The following SEC63 variants were observed in gnomAD, a reference collection of about 807,000 sequenced individuals.
SEC63 encodes SEC63 protein translocation regulator, also known as translocation protein SEC63 homolog.
Under a neutral mutation model 116.2 loss-of-function variants are expected in SEC63, and 56 were observed. The observed-to-expected ratio is 0.48, with a 90% CI of 0.39 to 0.60. The LOEUF is 0.60. Ranked by LOEUF, SEC63 falls within the 20% of genes least tolerant of loss-of-function variation. The probability of loss-of-function intolerance (pLI) is 0.00; values close to 1 mark genes in which losing one functional copy is unlikely to be tolerated. For missense variants in SEC63, 668 were observed against 900.0 expected, an observed-to-expected ratio of 0.74 and a Z score of 3.30; for synonymous variants, 273 against 294.6, an observed-to-expected ratio of 0.93 and a Z score of 0.75.
At chr6:107,954,834 C>G (rs983320344) in intron 1 of SEC63, 7 of 121,952 alleles carry the variant, frequency 5.7e-5, no homozygotes, top group Non-Finnish European at 1.1e-4. Flanking sequence ...AGAAACAACT[C>G]AAGTTATTAG....
At chr6:107,886,826 T>TA (rs1786539722) in intron 16 of SEC63, among the ~76,000 whole-genome samples, 2 of 150,722 alleles carry the variant, frequency 1.3e-5, no homozygotes, top group Non-Finnish European at 2.9e-5. Context: ...ACTCTGATGA[T>TA]AGTTTTTTGT....
chr6:107,887,214 G>GA (rs942454024), intron 16 of SEC63, among the ~76,000 whole-genome samples: 1 of 150,410 alleles, frequency 6.6e-6, no homozygotes, highest in African/African-American at 2.5e-5. Flanking sequence ...TCTAGAACTG[G>GA]AAATACCATT....
chr6:107,910,595 T>TAC (rs750567894), intron 7 of SEC63, among the ~76,000 whole-genome samples: 1 of 152,044 alleles, frequency 6.6e-6, no homozygotes, highest in African/African-American at 2.4e-5. Context: ...ATGTATGTCA[T>TAC]ACACACACGT....
At chr6:107,944,452 C>T (rs1770439647) in intron 1 of SEC63, among the ~76,000 whole-genome samples, 1 of 152,140 alleles carries the variant, frequency 6.6e-6, no homozygotes, top group South Asian at 2.1e-4. Context: ...AATCCCAGCA[C>T]TTTGGGAGGC....
intron 4 of SEC63, among the ~76,000 whole-genome samples, chr6:107,918,115 C>T (rs537358411): frequency 1.3e-5 from 2 of 152,204 alleles, no homozygotes; most frequent in South Asian, 4.1e-4. Flanking sequence ...TTCCAAAAGT[C>T]CTAGAGCTCT....
chr6:107,891,212 T>C lies in SEC63; in HGVS notation c.1674+2270A>G, dbSNP rs1007078699. Among the ~76,000 whole-genome samples the C allele has an allele frequency of 3.3e-5, 5 of 152,170 alleles. No individual in the cohort carries two copies. The East Asian group carries it at 5.8e-4, about 18-fold the overall frequency. ...CACTTTCAGGTATACCAATCAAACA[T>C]AGATTTGGTCTTTTCACATAGTCCC... is the stretch of plus-strand genomic sequence containing the variant. On this transcript the variant is annotated intron_variant, in intron 16 of 20. Coordinates refer to ENST00000369002, the MANE Select transcript of SEC63 (RefSeq NM_007214.5).
chr6:107,918,955 G>C (rs1434339058), intron 4 of SEC63, among the ~76,000 whole-genome samples: 1 of 143,242 alleles, frequency 7.0e-6, no homozygotes, highest in African/African-American at 2.6e-5. Context: ...CTGTCGCCCA[G>C]GCTGGAGTGC....
intron 8 of SEC63, among the ~76,000 whole-genome samples, chr6:107,907,975 G>A (rs1787181756): frequency 1.3e-5 from 2 of 152,148 alleles, no homozygotes; most frequent in African/African-American, 4.8e-5. Flanking sequence ...TCATAAGGGA[G>A]TAAGTTTCTG....
rs1438677499 is a variant in SEC63 at position 107,912,719 on chromosome 6, A to T, written c.570T>A (p.Ile190=). The T allele has an allele frequency of 1.2e-6, 2 of 1,602,418 alleles. No homozygotes were observed. Among genetic ancestry groups the T allele is most frequent in the South Asian group, 1.1e-5 (1 of 90,690 alleles). The change falls in exon 6 of 21, where the codon ATT becomes ATA. Residue 190 remains isoleucine, a synonymous_variant. Transcript: ENST00000369002. ...TATCTTATTTAAATGCACTCACCAGAATTGAGTTTTTCTGGTCAACTATCC... is the reference window on the plus strand; with the variant it reads ...TATCTTATTTAAATGCACTCACCAGTATTGAGTTTTTCTGGTCAACTATCC... ...PAWIVDQKNS[I]LVLLVYGLAF... is the part of the protein sequence containing the mutation.
intron 4 of SEC63, among the ~76,000 whole-genome samples, chr6:107,919,678 C>T (rs1450820796): frequency 1.1e-4 from 16 of 151,850 alleles, no homozygotes; most frequent in African/African-American, 2.9e-4. Flanking sequence ...AAAAATTAGC[C>T]GGGCATGTTG....
At chr6:107,896,707 G>A (rs745732423) in intron 14 of SEC63, among the ~76,000 whole-genome samples, 15 of 152,048 alleles carry the variant, frequency 9.9e-5, no homozygotes, top group Admixed American at 4.6e-4. Flanking sequence ...GGCTGAGTGC[G>A]GTAGCTCACG....
At chr6:107,950,466 A>C (rs372181671) in intron 1 of SEC63, among the ~76,000 whole-genome samples, 7 of 152,218 alleles carry the variant, frequency 4.6e-5, no homozygotes, top group Admixed American at 3.9e-4. Context: ...GCAGCAGCAC[A>C]TACATTGTTC....
rs983348415 is a variant in SEC63 at position 107,869,438 on chromosome 6, G to A, written c.*2266C>T. The stretch of plus-strand genomic sequence containing the variant: ...GTTTCAATTTCACTTCCTATACACT[G>A]TATGATCTATAGGCTCATCAATTGT... On this transcript the variant is annotated 3_prime_UTR_variant, in exon 21 of 21. Transcript: ENST00000369002. 1 of 152,074 alleles carries A rather than the reference G, an allele frequency of 6.6e-6. No individual in the cohort carries two copies. Among genetic ancestry groups the A allele is most frequent in the African/African-American group, 2.4e-5 (1 of 41,386 alleles). The allele number at this position is 152,074 out of a possible 1,614,324, so 9.4% of individuals were successfully genotyped here. A position where few individuals can be genotyped will look rare whatever the true frequency, so the allele number is the denominator to read the frequency against.
chr6:107,912,478 C>A (rs184657069), intron 6 of SEC63, among the ~76,000 whole-genome samples: 1 of 151,922 alleles, frequency 6.6e-6, no homozygotes, highest in African/African-American at 2.4e-5. Flanking sequence ...AGCTACTCAG[C>A]GGGGGCTGAG....
chr6:107,930,890 G>C (rs1787791195), intron 1 of SEC63, among the ~76,000 whole-genome samples: 1 of 152,150 alleles, frequency 6.6e-6, no homozygotes, highest in East Asian at 1.9e-4. Flanking sequence ...AGCTACTCAG[G>C]AGGCTGAGGC....
chr6:107,919,838 A>G (rs1008271352), intron 4 of SEC63, among the ~76,000 whole-genome samples: 3 of 152,028 alleles, frequency 2.0e-5, no homozygotes, highest in African/African-American at 7.2e-5. Context: ...AAAAAAGAAA[A>G]AGAAAACAAA....
At position 107,933,748 on chromosome 6, in the gene SEC63, C is replaced by T. The variant is rs552291518; in HGVS notation, c.125-4234G>A. On this transcript the variant is annotated intron_variant, in intron 1 of 20. Transcript: ENST00000369002. Reference sequence around the variant, plus strand: ...CCACGGTCTCCCTCTCCCTCTCTTTCCACGGTCTCCCTCTGATGTCTAGCC... The same window carrying T: ...CCACGGTCTCCCTCTCCCTCTCTTTTCACGGTCTCCCTCTGATGTCTAGCC... 1.5e-3 allele frequency among the ~76,000 whole-genome samples: 220 copies of T among 149,892 alleles called. 3 individuals carry two copies. The highest frequency in any genetic ancestry group is 5.1e-3 in the African/African-American group (210 of 41,022).
chr6:107,957,956 G>A lies in SEC63; in HGVS notation c.54C>T (p.Phe18=), dbSNP rs1469351770. 11 of 1,613,494 alleles carry A rather than the reference G, an allele frequency of 6.8e-6. No individual in the cohort carries two copies. The highest frequency in any genetic ancestry group is 1.7e-4 in the Middle Eastern group (1 of 6,058). ...CGATGAGCCCCACGAAGGAGGTGAG[G>A]AAGTAGAAGAAGGTGTTCCCACTGT... ...YDDSGNTFFY[F]LTSFVGLIVI... is the part of the protein sequence containing the mutation. The change falls in exon 1 of 21, where the codon TTC becomes TTT. Residue 18 remains phenylalanine, a synonymous_variant. Transcript: ENST00000369002.
chr6:107,875,683 C>G (rs747484828), intron 19 of SEC63, among the ~76,000 whole-genome samples: 9 of 151,990 alleles, frequency 5.9e-5, no homozygotes, highest in Non-Finnish European at 1.0e-4. Context: ...CTGGGTGACA[C>G]AGCCAGACCC....
Sources: allele counts gnomAD v4.1 joint callset (sites outside exome capture counted in the v4.1 genomes callset), GRCh38; gene constraint gnomAD v4.1.1; transcripts MANE v1.5; gene names NCBI Gene and HGNC (gene_info 2026-07-23, HGNC 2026-07-21).